GPC6: variants seen among roughly 807,000 people sequenced by gnomAD.
GPC6 encodes the protein glypican-6.
GPC6 carries 14 observed loss-of-function variants against 55.2 expected under a neutral mutation model. The observed-to-expected ratio is 0.25, with a 90% confidence interval of 0.17 to 0.40. The LOEUF is 0.40. Among genes scored for constraint, GPC6 ranks in the 10% least tolerant of loss-of-function variants. The probability of loss-of-function intolerance (pLI) is 1.00; values close to 1 mark genes in which losing one functional copy is unlikely to be tolerated. For missense variants in GPC6, 641 were observed against 708.5 expected, an observed-to-expected ratio of 0.90 and a Z score of 1.08; for synonymous variants, 278 against 259.6, an observed-to-expected ratio of 1.07 and a Z score of -0.68.
chr13:93,619,876 T>C (rs1878878472), intron 2 of GPC6, among the ~76,000 whole-genome samples: 2 of 152,080 alleles, frequency 1.3e-5, no homozygotes, highest in Admixed American at 1.3e-4. Context: ...TATAGCAGAG[T>C]ACTGGTCTCT....
chr13:94,266,208 G>A (rs888598027), intron 4 of GPC6, among the ~76,000 whole-genome samples: 3 of 146,746 alleles, frequency 2.0e-5, no homozygotes, highest in Non-Finnish European at 3.0e-5. Context: ...TCGCTCTGTT[G>A]CCCAGGCTGG....
chr13:93,589,629 G>T (rs1343899434), intron 2 of GPC6, among the ~76,000 whole-genome samples: 1 of 152,170 alleles, frequency 6.6e-6, no homozygotes, highest in African/African-American at 2.4e-5. Context: ...AGCACCTGCT[G>T]TCCAGTGACT....
chr13:94,321,928 A>T (rs144890289), intron 6 of GPC6, among the ~76,000 whole-genome samples: 9 of 152,294 alleles, frequency 5.9e-5, no homozygotes, highest in African/African-American at 1.9e-4. Context: ...ATATCCGTAA[A>T]CACTGACCTT....
At chr13:94,260,519 A>C (rs1594106756) in intron 4 of GPC6, among the ~76,000 whole-genome samples, 1 of 152,148 alleles carries the variant, frequency 6.6e-6, no homozygotes, top group East Asian at 1.9e-4. Flanking sequence ...GTGTGTCTGC[A>C]TCCTAATCTC....
chr13:93,412,378 G>A (rs772126474), intron 1 of GPC6, among the ~76,000 whole-genome samples: 9 of 152,194 alleles, frequency 5.9e-5, no homozygotes, highest in South Asian at 2.1e-4. Flanking sequence ...AGGCCAAGCC[G>A]GGCACAGTGA....
chr13:93,912,969 C>T (rs556910981), intron 3 of GPC6, among the ~76,000 whole-genome samples: 6 of 152,056 alleles, frequency 3.9e-5, no homozygotes, highest in Non-Finnish European at 5.9e-5. Context: ...GTCTCTGTGT[C>T]GATTCTTCTT....
intron 4 of GPC6, among the ~76,000 whole-genome samples, chr13:94,176,803 A>G (rs1252958172): frequency 2.6e-5 from 4 of 152,246 alleles, no homozygotes; most frequent in Non-Finnish European, 5.9e-5. Context: ...AGGAGAACAG[A>G]TGTCAGCAGA....
chr13:94,248,291 A>T (rs1891255974), intron 4 of GPC6, among the ~76,000 whole-genome samples: 1 of 152,144 alleles, frequency 6.6e-6, no homozygotes, highest in Non-Finnish European at 1.5e-5. Flanking sequence ...TTCTGACAGC[A>T]ACATCTACGT....
At chr13:93,428,978 G>A (rs1047144821) in intron 1 of GPC6, among the ~76,000 whole-genome samples, 18 of 152,062 alleles carry the variant, frequency 1.2e-4, no homozygotes, top group Admixed American at 2.6e-4. Flanking sequence ...TTATGTTATA[G>A]CATCCCTTGA....
chr13:93,732,612 A>G (rs773496535), intron 2 of GPC6, among the ~76,000 whole-genome samples: 1 of 152,186 alleles, frequency 6.6e-6, no homozygotes, highest in Non-Finnish European at 1.5e-5. Flanking sequence ...CTGGAAAACT[A>G]TAACTTATTA....
At chr13:93,786,445 T>C (rs1168832768) in intron 2 of GPC6, among the ~76,000 whole-genome samples, 1 of 152,164 alleles carries the variant, frequency 6.6e-6, no homozygotes, top group Non-Finnish European at 1.5e-5. Context: ...AAATAACATA[T>C]TGTTCATATA....
intron 1 of GPC6, among the ~76,000 whole-genome samples, chr13:93,279,946 C>G (rs543678375): frequency 1.3e-5 from 2 of 152,106 alleles, no homozygotes; most frequent in African/African-American, 4.8e-5. Context: ...ATAAACACAC[C>G]CAAACTGGTT....
At chr13:93,801,029 A>G (rs918979572) in intron 2 of GPC6, among the ~76,000 whole-genome samples, 10 of 152,224 alleles carry the variant, frequency 6.6e-5, no homozygotes, top group Admixed American at 6.5e-4. Context: ...TGAATGGCAC[A>G]GTTATTTTTA....
At position 93,999,112 on chromosome 13, in the gene GPC6, G is replaced by C. The variant is rs145304958; in HGVS notation, c.712-28617G>C. 9.4e-3 allele frequency among the ~76,000 whole-genome samples: 1,432 copies of C among 152,170 alleles called. 7 individuals are homozygous for C. Among genetic ancestry groups the C allele is most frequent in the Admixed American group, 0.017 (259 of 15,286 alleles). The stretch of plus-strand genomic sequence containing the variant: ...TGTTACTTAGGTATACACGTGCCAT[G>C]GTGGTTTGTTGCCCCCATCAACCCC... On this transcript the variant is annotated intron_variant, in intron 3 of 8. Transcript: ENST00000377047.
At chr13:94,235,181 T>C (rs1447368269) in intron 4 of GPC6, among the ~76,000 whole-genome samples, 1 of 152,136 alleles carries the variant, frequency 6.6e-6, no homozygotes, top group Admixed American at 6.6e-5. Flanking sequence ...CTGAGAACAA[T>C]GTTGAACTGG....
intron 1 of GPC6, among the ~76,000 whole-genome samples, chr13:93,242,430 T>A (rs1876464782): frequency 6.6e-6 from 1 of 152,076 alleles, no homozygotes; most frequent in Admixed American, 6.5e-5. Flanking sequence ...AGGGCTCTAC[T>A]CCTCTTGCAA....
chr13:93,273,831 C>G (rs553566316), intron 1 of GPC6, among the ~76,000 whole-genome samples: 30 of 151,498 alleles, frequency 2.0e-4, no homozygotes, highest in Non-Finnish European at 3.2e-4. Context: ...TTTTTTGAGA[C>G]AGAGTCTCAC....
At chr13:93,264,236 T>C (rs1436220312) in intron 1 of GPC6, among the ~76,000 whole-genome samples, 1 of 152,162 alleles carries the variant, frequency 6.6e-6, no homozygotes, top group Non-Finnish European at 1.5e-5. Context: ...AAATGAACTA[T>C]GTGAGTTTAA....
At chr13:93,412,646 G>A (rs1033530743) in intron 1 of GPC6, among the ~76,000 whole-genome samples, 1 of 152,104 alleles carries the variant, frequency 6.6e-6, no homozygotes, top group Non-Finnish European at 1.5e-5. Flanking sequence ...GACAGAGTGA[G>A]ACTCCATCTC....
Sources: gnomAD v4.1 joint callset for allele counts (sites outside exome capture counted in the v4.1 genomes callset) on GRCh38, gnomAD v4.1.1 for gene constraint, MANE v1.5 for transcripts, NCBI Gene and HGNC (gene_info 2026-07-23, HGNC 2026-07-21) for gene names.